ZNF761: variants seen among roughly 807,000 people sequenced by gnomAD.
ZNF761 encodes zinc finger protein 761.
A neutral mutation model predicts 59.9 loss-of-function variants in ZNF761; 43 were observed. That is an observed-to-expected ratio of 0.72 (90% confidence interval 0.56 to 0.92). ZNF761 has a LOEUF of 0.92. Ranked by LOEUF, ZNF761 falls within the 40% of genes least tolerant of loss-of-function variation. ZNF761 has a pLI of 0.00. For missense variants in ZNF761, 850 were observed against 906.1 expected (o/e 0.94, Z 0.79); for synonymous variants, 294 against 304.8 (o/e 0.96, Z 0.37).
rs1309725895 is a variant in ZNF761 at position 53,455,290 on chromosome 19, T to C, written c.783T>C (p.Arg261=). ...FNQKRNLACH[R]RCHTGENPYK... ...AGAAGCGAAACCTAGCATGCCATCG[T>C]AGATGTCACACTGGTGAGAATCCTT... is the stretch of plus-strand genomic sequence containing the variant. The change falls in exon 5 of 5, where the codon CGT becomes CGC. Residue 261 remains arginine (R), a synonymous_variant. Transcript: ENST00000684525. 24 of 1,614,116 alleles carry C rather than the reference T, an allele frequency of 1.5e-5. No individual in the cohort carries two copies. Among genetic ancestry groups the C allele is most frequent in the Non-Finnish European group, 1.9e-5 (23 of 1,180,048 alleles).
At chr19:53,433,031 A>G (rs545996415) in intron 1 of ZNF761, among the ~76,000 whole-genome samples, 57 of 51,064 alleles carry the variant, frequency 1.1e-3, no homozygotes, top group South Asian at 3.2e-3. Context: ...CTGGGGTGCT[A>G]GAGAGTGGGG....
rs951052682 is a variant in ZNF761, at chr19:53,457,244, G to C, written c.*496G>C. The C allele has an allele frequency of 8.9e-6, 4 of 451,976 alleles. No homozygotes were observed. In the Admixed American group the frequency reaches 1.1e-4, roughly 12 times the overall value. The allele number at this position is 451,976 out of a possible 1,614,324, so 28.0% of individuals were successfully genotyped here. A position where few individuals can be genotyped will look rare whatever the true frequency, so the allele number is the denominator to read the frequency against. On this transcript the variant is annotated 3_prime_UTR_variant, in exon 5 of 5. Transcript: ENST00000684525. ...TCCATAAGGAAGAGAGATCATACTA[G>C]GGTAATAAATGTGGCAGATTTTTCA...
At chr19:53,439,473 A>AACCCCCACC (rs906186748) in intron 1 of ZNF761, among the ~76,000 whole-genome samples, 1 of 151,914 alleles carries the variant, frequency 6.6e-6, no homozygotes, top group African/African-American at 2.4e-5. Flanking sequence ...GTAGTTTTTA[A>AACCCCCACC]ACCTTTGTGG....
rs939263973 is a variant in ZNF761 at position 53,448,690 on chromosome 19, A to T, written c.16-822A>T. Among the ~76,000 whole-genome samples the T allele has an allele frequency of 1.1e-4, 17 of 151,792 alleles. 1 individual carries two copies. The highest frequency in any genetic ancestry group is 7.2e-4 in the Admixed American group (11 of 15,252). On this transcript the variant is annotated intron_variant, in intron 3 of 4. Coordinates refer to ENST00000684525, the MANE Select transcript of ZNF761 (RefSeq NM_001289951.2). The stretch of plus-strand genomic sequence containing the variant: ...AGTGACGTGATCTTAGCTCACTGCA[A>T]CCTCCACCCTAAGGCTCAAGCCATC...
chr19:53,449,144 T>TGGTGAAACCCCGTTTCTGCTAAAAA (rs2086191802), intron 3 of ZNF761, among the ~76,000 whole-genome samples: 3 of 151,936 alleles, frequency 2.0e-5, no homozygotes, highest in African/African-American at 7.3e-5. Context: ...AACCTGGCTA[T>TGGTGAAACCCCGTTTCTGCTAAAAA]TACGGTGAAA....
intron 1 of ZNF761, chr19:53,442,874 G>A (rs569962588): frequency 3.1e-5 from 11 of 356,866 alleles, no homozygotes; most frequent in African/African-American, 2.9e-4. Context: ...TAAAAATCAT[G>A]TTGTGAAAAA....
chr19:53,449,086 C>CTT (rs1320260244), intron 3 of ZNF761, among the ~76,000 whole-genome samples: 1 of 152,152 alleles, frequency 6.6e-6, no homozygotes, highest in Admixed American at 6.5e-5. Flanking sequence ...AATTCCAGCA[C>CTT]TTTGAGAGGC....
At chr19:53,452,236 A>G (rs2086228076) in intron 4 of ZNF761, among the ~76,000 whole-genome samples, 1 of 152,082 alleles carries the variant, frequency 6.6e-6, no homozygotes, top group Admixed American at 6.5e-5. Flanking sequence ...TAATCCCAGC[A>G]CTTTGGGAGG....
At chr19:53,440,203 C>T (rs7258358) in intron 1 of ZNF761, among the ~76,000 whole-genome samples, 112,135 of 151,872 alleles carry the variant, frequency 0.74, 41,816 homozygotes, top group Non-Finnish European at 0.77. Context: ...ATGGTGCACA[C>T]CTGTGCTCCC....
At chr19:53,445,826 A>G (rs2086152813) in intron 1 of ZNF761, among the ~76,000 whole-genome samples, 1 of 152,198 alleles carries the variant, frequency 6.6e-6, no homozygotes, top group Non-Finnish European at 1.5e-5. Context: ...AGTCCCTGGC[A>G]GGGAACCCTC....
chr19:53,454,679 T>A lies in ZNF761; in HGVS notation c.172T>A (p.Phe58Ile). The change falls in exon 5 of 5, where the codon TTC (phenylalanine) becomes ATC (isoleucine). Residue 58 changes from phenylalanine (F) to isoleucine (I), a missense_variant. Coordinates refer to ENST00000684525, the MANE Select transcript of ZNF761 (RefSeq NM_001289951.2). ...DISSKCTMKE[F>I]LSTAQGNREV... ...CTCTTCCAAATGCACGATGAAGGAG[T>A]TCTTGTCAACAGCGCAAGGCAACAG... is the stretch of plus-strand genomic sequence containing the variant. The A allele has an allele frequency of 6.2e-7, 1 of 1,603,402 alleles. No homozygotes were observed. The highest frequency in any genetic ancestry group is 8.5e-7 in the Non-Finnish European group (1 of 1,174,044).
chr19:53,436,269 A>G (rs1176684965), intron 1 of ZNF761, among the ~76,000 whole-genome samples: 1 of 152,156 alleles, frequency 6.6e-6, no homozygotes, highest in Non-Finnish European at 1.5e-5. Context: ...TTTAACCTAA[A>G]CAGAGTCTCC....
In ZNF761 at chr19:53,455,700, C is replaced by T. The variant is rs542352067; in HGVS notation, c.1193C>T (p.Thr398Ile). ...ACCTTTAGTCACAAGTCATCCCTTACATGCCATCGTAGACTTCATACTGGA... is the reference window on the plus strand; with the variant it reads ...ACCTTTAGTCACAAGTCATCCCTTATATGCCATCGTAGACTTCATACTGGA... The part of the protein sequence containing the change: ...GKTFSHKSSL[T>I]CHRRLHTGEK... The change falls in exon 5 of 5, where the codon ACA becomes ATA. Residue 398 changes from threonine (T) to isoleucine (I), a missense_variant. Physicochemically the swap from Thr to Ile is moderately conservative, Grantham distance 89. Transcript: ENST00000684525. The T allele has an allele frequency of 5.7e-5, 92 of 1,613,492 alleles. 1 individual carries two copies. In the South Asian group the frequency reaches 9.6e-4, roughly 17 times the overall value.
chr19:53,455,710 T>G lies in ZNF761; in HGVS notation c.1203T>G (p.Arg401=). ...FSHKSSLTCH[R]RLHTGEKPYK... Reference sequence around the variant, plus strand: ...ACAAGTCATCCCTTACATGCCATCGTAGACTTCATACTGGAGAGAAACCTT... The same window carrying G: ...ACAAGTCATCCCTTACATGCCATCGGAGACTTCATACTGGAGAGAAACCTT... The change falls in exon 5 of 5, where the codon CGT becomes CGG. Residue 401 remains arginine, a synonymous_variant. Transcript: ENST00000684525. 6.2e-7 allele frequency: 1 copy of G among 1,614,068 alleles called. No individual in the cohort carries two copies.
chr19:53,435,696 A>G (rs1568799388), intron 1 of ZNF761, among the ~76,000 whole-genome samples: 2 of 152,002 alleles, frequency 1.3e-5, no homozygotes, highest in Non-Finnish European at 2.9e-5. Context: ...ACCAGGTAGT[A>G]TGTGTACAGT....
rs781091680 is a variant in ZNF761, at chr19:53,456,126, A to T, written c.1619A>T (p.His540Leu). The T allele has an allele frequency of 1.2e-6, 2 of 1,604,068 alleles. No individual in the cohort carries two copies. Among genetic ancestry groups the T allele is most frequent in the African/African-American group, 2.7e-5 (2 of 74,640 alleles). ...AGTTGGAAGTCATCCCTTACCTGCC[A>T]TCGTAGACTTCATTCTGGAGAGAAA... ...TFSWKSSLTC[H>L]RRLHSGEKPY... Residue 540 changes from histidine (H) to leucine (L), a missense_variant, in exon 5 of 5, where the codon CAT becomes CTT. Physicochemically the swap from His to Leu is moderately conservative, Grantham distance 99 (BLOSUM62 -3). Transcript: ENST00000684525.
At chr19:53,448,323 C>T (rs1356191580) in intron 3 of ZNF761, among the ~76,000 whole-genome samples, 3 of 152,170 alleles carry the variant, frequency 2.0e-5, no homozygotes, top group Non-Finnish European at 2.9e-5. Context: ...TTATTAAATA[C>T]ATATTTTTAT....
rs183933289 is a variant in ZNF761, at chr19:53,451,102, G to A, written c.142+1464G>A. Among the ~76,000 whole-genome samples, 401 of 152,144 alleles carry A rather than the reference G, an allele frequency of 2.6e-3. 4 individuals carry two copies. The highest frequency in any genetic ancestry group is 8.5e-3 in the African/African-American group (352 of 41,528). ...TGTTGCACTTTCATCAACCTATATGGATACTGTGTTTTCATGCTTTTTTCT... is the reference window on the plus strand; with the variant it reads ...TGTTGCACTTTCATCAACCTATATGAATACTGTGTTTTCATGCTTTTTTCT... On this transcript the variant is annotated intron_variant, in intron 4 of 4. Coordinates refer to ENST00000684525, the MANE Select transcript of ZNF761 (RefSeq NM_001289951.2).
intron 1 of ZNF761, among the ~76,000 whole-genome samples, chr19:53,434,440 C>T (rs139292062): frequency 7.0e-4 from 107 of 152,214 alleles, no homozygotes; most frequent in African/African-American, 2.4e-3. Flanking sequence ...CCCACAGATC[C>T]AATAGAGACC....
Sources: allele counts gnomAD v4.1 joint callset (sites outside exome capture counted in the v4.1 genomes callset), GRCh38; gene constraint gnomAD v4.1.1; transcripts MANE v1.5; gene names NCBI Gene and HGNC (gene_info 2026-07-23, HGNC 2026-07-21).